Variants in SDK1 observed in about 807,000 individuals in gnomAD.
SDK1 encodes the protein protein sidekick-1.
A neutral mutation model predicts 245.5 loss-of-function variants in SDK1; 157 were observed. That is an observed-to-expected ratio of 0.64 (90% CI 0.56 to 0.73). The LOEUF (loss-of-function observed/expected upper bound fraction) is 0.73. Ranked by LOEUF, SDK1 falls within the 30% of genes least tolerant of loss-of-function variation. The pLI, the probability that SDK1 is intolerant of heterozygous loss-of-function variation, is 0.00. For missense variants in SDK1, 3,583 were observed against 3,002.3 expected (o/e 1.19, Z -4.52); for synonymous variants, 1,647 against 1,278.5 (o/e 1.29, Z -6.15).
intron 1 of SDK1, among the ~76,000 whole-genome samples, chr7:3,506,185 C>T (rs1294036362): frequency 1.3e-5 from 2 of 151,576 alleles, no homozygotes; most frequent in Non-Finnish European, 2.9e-5. Context: ...CTAGTTCTCT[C>T]AGATTTTGTT....
intron 1 of SDK1, among the ~76,000 whole-genome samples, chr7:3,454,043 T>A (rs1780600893): frequency 6.6e-6 from 1 of 152,206 alleles, no homozygotes; most frequent in African/African-American, 2.4e-5. Context: ...GAGAACTTTG[T>A]CATTTTCATT....
intron 1 of SDK1, among the ~76,000 whole-genome samples, chr7:3,554,706 C>T (rs1779526800): frequency 6.6e-6 from 1 of 152,006 alleles, no homozygotes; most frequent in South Asian, 2.1e-4. Flanking sequence ...TTCCCTCATC[C>T]AAAAAATATA....
At chr7:3,978,750 A>G (rs976081115) in intron 13 of SDK1, among the ~76,000 whole-genome samples, 1 of 152,200 alleles carries the variant, frequency 6.6e-6, no homozygotes, top group Non-Finnish European at 1.5e-5. Context: ...ATAACCAAAA[A>G]AAAAGCAAGA....
At chr7:3,549,647 C>A (rs1333434161) in intron 1 of SDK1, among the ~76,000 whole-genome samples, 1 of 152,036 alleles carries the variant, frequency 6.6e-6, no homozygotes, top group African/African-American at 2.4e-5. Context: ...TTTTTCCCTA[C>A]TTTTTAGCAA....
intron 4 of SDK1, among the ~76,000 whole-genome samples, chr7:3,762,675 T>C (rs1217124046): frequency 6.6e-6 from 1 of 152,194 alleles, no homozygotes; most frequent in Non-Finnish European, 1.5e-5. Flanking sequence ...CATGCAAATA[T>C]TTAACAGAGG....
At chr7:3,508,401 C>T (rs13236120) in intron 1 of SDK1, among the ~76,000 whole-genome samples, 1 of 149,564 alleles carries the variant, frequency 6.7e-6, no homozygotes, top group East Asian at 2.0e-4. Flanking sequence ...GATCTTGGCT[C>T]ACTGTAACCT....
chr7:3,384,793 T>G (rs1781570051), intron 1 of SDK1, among the ~76,000 whole-genome samples: 3 of 152,250 alleles, frequency 2.0e-5, no homozygotes, highest in Admixed American at 2.0e-4. Flanking sequence ...TTGAAGCGTA[T>G]ATGCACACTT....
intron 1 of SDK1, among the ~76,000 whole-genome samples, chr7:3,372,233 T>G (rs1237390077): frequency 6.6e-6 from 1 of 152,096 alleles, no homozygotes; most frequent in South Asian, 2.1e-4. Flanking sequence ...TCCTGACCTT[T>G]TGGGAGGTTG....
chr7:3,684,098 C>G (rs998356853), intron 4 of SDK1, among the ~76,000 whole-genome samples: 17 of 152,182 alleles, frequency 1.1e-4, no homozygotes, highest in Non-Finnish European at 1.8e-4. Flanking sequence ...TCAGTAGGAG[C>G]TGATCCTCCA....
chr7:3,723,111 T>C lies in SDK1; in HGVS notation c.713+81006T>C, dbSNP rs115017302. On this transcript the variant is annotated intron_variant, in intron 4 of 44. Transcript: ENST00000404826. ...TGTTAGGAAAGAATGTGTGAGTCCA[T>C]ATAAAATTCTGTCCTCAGACGTTTC... Among the ~76,000 whole-genome samples, 824 of 152,358 alleles carry C rather than the reference T, an allele frequency of 5.4e-3. 6 individuals are homozygous for C. The highest frequency in any genetic ancestry group is 0.019 in the African/African-American group (775 of 41,576).
chr7:4,215,653 C>T (rs1047733752), intron 38 of SDK1, among the ~76,000 whole-genome samples: 6 of 152,312 alleles, frequency 3.9e-5, no homozygotes, highest in Middle Eastern at 3.4e-3. Context: ...CCCCGCGGTA[C>T]GGGAGCTGGT....
At chr7:3,539,333 A>G (rs1003814787) in intron 1 of SDK1, among the ~76,000 whole-genome samples, 10 of 152,216 alleles carry the variant, frequency 6.6e-5, no homozygotes, top group African/African-American at 1.9e-4. Flanking sequence ...TTCCTTCACA[A>G]CTAGATAGAT....
At chr7:3,637,680 C>T (rs1782507829) in intron 2 of SDK1, among the ~76,000 whole-genome samples, 1 of 152,126 alleles carries the variant, frequency 6.6e-6, no homozygotes, top group African/African-American at 2.4e-5. Context: ...TGAAATTGTA[C>T]TAAAAAATTT....
chr7:3,871,323 C>G (rs774254444), intron 5 of SDK1, among the ~76,000 whole-genome samples: 3 of 152,120 alleles, frequency 2.0e-5, no homozygotes, highest in African/African-American at 7.2e-5. Flanking sequence ...TTCACAGATT[C>G]TGTGGGAGTT....
At chr7:3,525,597 A>T (rs999162858) in intron 1 of SDK1, among the ~76,000 whole-genome samples, 1 of 152,074 alleles carries the variant, frequency 6.6e-6, no homozygotes, top group Admixed American at 6.6e-5. Flanking sequence ...GTACTCTAGC[A>T]TTAGGTCGGG....
intron 8 of SDK1, among the ~76,000 whole-genome samples, chr7:3,960,126 G>C (rs1360564915): frequency 1.3e-5 from 2 of 152,244 alleles, no homozygotes; most frequent in African/African-American, 4.8e-5. Flanking sequence ...CTTCAAAACA[G>C]CTCCTAAAAG....
At chr7:3,478,086 C>G (rs1179108369) in intron 1 of SDK1, among the ~76,000 whole-genome samples, 1 of 152,046 alleles carries the variant, frequency 6.6e-6, no homozygotes, top group Non-Finnish European at 1.5e-5. Context: ...ACTAATCTGT[C>G]TTTAAATCAC....
chr7:3,801,025 A>T (rs1261052869), intron 4 of SDK1, among the ~76,000 whole-genome samples: 1 of 152,206 alleles, frequency 6.6e-6, no homozygotes, highest in Non-Finnish European at 1.5e-5. Context: ...TTTGCACAAC[A>T]AATTGAAATT....
At chr7:3,676,532 A>C (rs923894364) in intron 4 of SDK1, among the ~76,000 whole-genome samples, 1 of 151,804 alleles carries the variant, frequency 6.6e-6, no homozygotes, top group African/African-American at 2.4e-5. Context: ...TCACCCTGTT[A>C]GCCGGGATGG....
Sources: allele counts gnomAD v4.1 joint callset (sites outside exome capture counted in the v4.1 genomes callset), GRCh38; gene constraint gnomAD v4.1.1; transcripts MANE v1.5; gene names NCBI Gene and HGNC (gene_info 2026-07-23, HGNC 2026-07-21).